The following SNTA1 variants were observed in gnomAD, a reference collection of about 807,000 sequenced individuals.
The protein encoded by SNTA1 is syntrophin alpha 1, also known as alpha-1-syntrophin.
A neutral mutation model predicts 47.1 loss-of-function variants in SNTA1; 31 were observed. The observed-to-expected ratio is 0.66, with a 90% confidence interval of 0.49 to 0.89. The LOEUF (loss-of-function observed/expected upper bound fraction) is 0.89. Ranked by LOEUF, SNTA1 falls within the 40% of genes least tolerant of loss-of-function variation. The pLI, the probability that SNTA1 is intolerant of heterozygous loss-of-function variation, is 0.00. For synonymous variants in SNTA1, 300 were observed against 313.6 expected (o/e 0.96, Z 0.46); for missense variants, 575 against 693.0 (o/e 0.83, Z 1.91).
chr20:33,437,162 CG>C (rs2146805471), intron 2 of SNTA1, among the ~76,000 whole-genome samples: 1 of 150,922 alleles, frequency 6.6e-6, no homozygotes, highest in Admixed American at 6.7e-5. Flanking sequence ...ACTCAGGAGG[CG>C]GAGGCAGAAG....
chr20:33,443,713 G>A lies in SNTA1; in HGVS notation c.-93C>T, dbSNP rs898788313. The A allele has an allele frequency of 1.1e-5, 9 of 783,154 alleles. No individual in the cohort carries two copies. The highest frequency in any genetic ancestry group is 6.0e-5 in the South Asian group (1 of 16,716). 48.5% of individuals were successfully genotyped at this position (783,154 alleles called of 1,614,324 possible). A position where few individuals can be genotyped will look rare whatever the true frequency, so the allele number is the denominator to read the frequency against. On this transcript the variant is annotated 5_prime_UTR_variant, in exon 1 of 8. Transcript: ENST00000217381. ...GCGCCCAGGGCAGAGGGCAGCGGGG[G>A]CCCGGCTGGGCCAGCCGCCACCCTA...
intron 1 of SNTA1, among the ~76,000 whole-genome samples, chr20:33,442,685 C>A (rs1239140987): frequency 6.6e-6 from 1 of 152,148 alleles, no homozygotes; most frequent in Non-Finnish European, 1.5e-5. Context: ...CTGCACCCCA[C>A]TAGCGGTCAG....
At chr20:33,420,761 C>A (rs1989997607) in intron 2 of SNTA1, among the ~76,000 whole-genome samples, 1 of 152,094 alleles carries the variant, frequency 6.6e-6, no homozygotes, top group South Asian at 2.1e-4. Context: ...GGGTGGATCG[C>A]TTGAGCTCAG....
chr20:33,409,320 T>C (rs1989679916), intron 6 of SNTA1, among the ~76,000 whole-genome samples: 1 of 152,190 alleles, frequency 6.6e-6, no homozygotes, highest in Admixed American at 6.5e-5. Flanking sequence ...CCTGTATTTA[T>C]TTCCTCTGGC....
intron 2 of SNTA1, among the ~76,000 whole-genome samples, chr20:33,438,497 A>G (rs1990496949): frequency 6.6e-6 from 1 of 152,142 alleles, no homozygotes; most frequent in South Asian, 2.1e-4. Flanking sequence ...TCTGCCATGT[A>G]CATTTTTGCC....
Position 33,412,344 on chromosome 20 carries a change from C to A in SNTA1, c.992G>T (p.Arg331Leu), listed in dbSNP as rs575431717. Residue 331 changes from arginine to leucine, a missense_variant, in exon 5 of 8, where the codon CGC becomes CTC. Physicochemically the swap from Arg to Leu is moderately radical, Grantham distance 102 (BLOSUM62 -2). Transcript: ENST00000217381. ...ACGGGCTGGCCGGCTCAGGGCCTCG[C>A]GGGTCTCGGGGAGAGACAAGTAGAG... ...LLLYLSLPET[R>L]EALSRPARTA... is the part of the protein sequence containing the mutation. 3.7e-6 allele frequency: 6 copies of A among 1,611,438 alleles called. No homozygotes were observed. Among genetic ancestry groups the A allele is most frequent in the Middle Eastern group, 1.7e-4 (1 of 5,872 alleles).
Position 33,408,773 on chromosome 20 carries a change from C to T in SNTA1, c.1353G>A (p.Glu451=), listed in dbSNP as rs1251783886. 1.9e-5 allele frequency: 31 copies of T among 1,614,224 alleles called. No homozygotes were observed. The highest frequency in any genetic ancestry group is 2.6e-5 in the Non-Finnish European group (31 of 1,180,038). ...CGTCATCTGAAGACATCTGCAGCTT[C>T]TCGAAGGGCTGTCGCAGGAGCACAG... ...ARAVLLRQPF[E]KLQMSSDDGA... Residue 451 remains glutamate, a synonymous_variant, in exon 7 of 8, where the codon GAG becomes GAA. Transcript: ENST00000217381.
chr20:33,424,565 G>A (rs1990116575), intron 2 of SNTA1, among the ~76,000 whole-genome samples: 2 of 151,878 alleles, frequency 1.3e-5, no homozygotes, highest in Admixed American at 1.3e-4. Flanking sequence ...CCAGGCTGGA[G>A]TGCGGTGGTA....
At chr20:33,416,901 A>G (rs1989888837) in intron 3 of SNTA1, among the ~76,000 whole-genome samples, 1 of 146,016 alleles carries the variant, frequency 6.8e-6, no homozygotes, top group African/African-American at 2.6e-5. Context: ...AGATCATGCC[A>G]TTGCACTCCA....
chr20:33,419,402 C>G (rs1444028584), intron 2 of SNTA1, among the ~76,000 whole-genome samples: 1 of 152,176 alleles, frequency 6.6e-6, no homozygotes, highest in African/African-American at 2.4e-5. Context: ...GCCTCTGAGG[C>G]TCAGATAGGA....
At chr20:33,427,477 C>T (rs529091559) in intron 2 of SNTA1, among the ~76,000 whole-genome samples, 1 of 152,268 alleles carries the variant, frequency 6.6e-6, no homozygotes, top group African/African-American at 2.4e-5. Flanking sequence ...TCTAGCAAGG[C>T]TGAACTATAA....
intron 2 of SNTA1, among the ~76,000 whole-genome samples, chr20:33,433,408 G>A (rs1990361053): frequency 1.3e-5 from 2 of 151,744 alleles, no homozygotes; most frequent in Non-Finnish European, 2.9e-5. Flanking sequence ...GGGATTACAG[G>A]CGCGTGTCAC....
chr20:33,434,724 G>A (rs866354026), intron 2 of SNTA1, among the ~76,000 whole-genome samples: 1 of 150,264 alleles, frequency 6.7e-6, no homozygotes, highest in African/African-American at 2.4e-5. Flanking sequence ...TTCCTACAGA[G>A]ATGAAATCTC....
At chr20:33,417,434 G>A (rs1008496800) in intron 3 of SNTA1, among the ~76,000 whole-genome samples, 10 of 152,184 alleles carry the variant, frequency 6.6e-5, no homozygotes, top group Admixed American at 5.9e-4. Flanking sequence ...AAAGGTCAGT[G>A]AGGAAAAGGG....
chr20:33,408,554 GGAT>G lies in SNTA1; in HGVS notation c.1468_1470del (p.Ile490del). 6.2e-7 allele frequency: 1 copy of G among 1,614,166 alleles called. No homozygotes were observed. Among genetic ancestry groups the G allele is most frequent in the Non-Finnish European group, 8.5e-7 (1 of 1,180,002 alleles). On this transcript the variant is annotated inframe_deletion, in exon 8 of 8. Transcript: ENST00000217381. ...GTGACTTTGGCCGACAGGAAGGAGTGGATGATGAAGACTATGGTTTTGGGACAC... is the reference window on the plus strand; with the variant it reads ...GTGACTTTGGCCGACAGGAAGGAGTGGATGAAGACTATGGTTTTGGGACAC...
rs150782048 is a variant in SNTA1 at position 33,430,349 on chromosome 20, C to T, written c.496+8492G>A. Among the ~76,000 whole-genome samples, 865 of 142,000 alleles carry T rather than the reference C, an allele frequency of 6.1e-3. 15 individuals are homozygous for T. Among genetic ancestry groups the T allele is most frequent in the African/African-American group, 0.022 (839 of 37,880 alleles). The allele number at this position is 142,000 out of a possible 152,430, so 93.2% of individuals were successfully genotyped here. On this transcript the variant is annotated intron_variant, in intron 2 of 7. Coordinates refer to ENST00000217381, the MANE Select transcript of SNTA1 (RefSeq NM_003098.3). ...TGTCGCCCAGGCTGGAGTGCCGTGG[C>T]GTGATCTCAGCTCACTGCAACCTCC...
In SNTA1 at chr20:33,443,344, C is replaced by A; in HGVS notation, c.277G>T (p.Ala93Ser). Reference sequence around the variant, plus strand: ...CTGATGCCCAGCCCACCGGCGTCGGCCTTGCGCACCGTCACGCGGCGCCGC... The same window carrying A: ...CTGATGCCCAGCCCACCGGCGTCGGACTTGCGCACCGTCACGCGGCGCCGC... Reference protein sequence around the residue: ...LQRRRVTVRKADAGGLGISIK... With the variant: ...LQRRRVTVRKSDAGGLGISIK... The change falls in exon 1 of 8, where the codon GCC becomes TCC. Residue 93 changes from alanine to serine, a missense_variant. Ala to Ser is a moderately conservative substitution (Grantham distance 99, BLOSUM62 1). Transcript: ENST00000217381. The A allele has an allele frequency of 6.7e-7, 1 of 1,483,258 alleles. No homozygotes were observed. Among genetic ancestry groups the A allele is most frequent in the Non-Finnish European group, 8.9e-7 (1 of 1,122,228 alleles). The allele number at this position is 1,483,258 out of a possible 1,614,324, so 91.9% of individuals were successfully genotyped here. A position where few individuals can be genotyped will look rare whatever the true frequency, so the allele number is the denominator to read the frequency against.
Position 33,409,588 on chromosome 20 carries a change from G to A in SNTA1, c.1237+547C>T, listed in dbSNP as rs559092245. 1.4e-4 allele frequency among the ~76,000 whole-genome samples: 22 copies of A among 151,786 alleles called. No individual in the cohort carries two copies. In the South Asian group the frequency reaches 1.5e-3, roughly 10 times the overall value. Reference sequence around the variant, plus strand: ...TGATTCTCGTGCCTCAGCTTCCTGCGTAGCTGGGACTACAGGCACCTAGTA... The same window carrying A: ...TGATTCTCGTGCCTCAGCTTCCTGCATAGCTGGGACTACAGGCACCTAGTA... On this transcript the variant is annotated intron_variant, in intron 6 of 7. Coordinates refer to ENST00000217381, the MANE Select transcript of SNTA1 (RefSeq NM_003098.3).
intron 1 of SNTA1, among the ~76,000 whole-genome samples, chr20:33,442,020 G>A (rs1990589410): frequency 2.0e-5 from 3 of 152,174 alleles, no homozygotes; most frequent in Admixed American, 2.0e-4. Flanking sequence ...CACTCTCTGA[G>A]GGACAGTAGC....
Sources: gnomAD v4.1 joint callset for allele counts (sites outside exome capture counted in the v4.1 genomes callset) on GRCh38, gnomAD v4.1.1 for gene constraint, MANE v1.5 for transcripts, NCBI Gene and HGNC (gene_info 2026-07-23, HGNC 2026-07-21) for gene names.